DST: variants seen among roughly 807,000 people sequenced by gnomAD.
DST encodes the protein bullous pemphigoid antigen.
Under a neutral mutation model 875.2 loss-of-function variants are expected in DST, and 253 were observed. That is an observed-to-expected ratio of 0.29 (90% CI 0.26 to 0.32). The LOEUF (loss-of-function observed/expected upper bound fraction) is 0.32. Among genes scored for constraint, DST ranks in the 10% least tolerant of loss-of-function variants. The pLI, the probability that DST is intolerant of heterozygous loss-of-function variation, is 1.00. For synonymous variants in DST, 3,124 were observed against 3,197.1 expected, an observed-to-expected ratio of 0.98 and a Z score of 0.77; for missense variants, 8,287 against 9,111.6, an observed-to-expected ratio of 0.91 and a Z score of 3.68.
intron 10 of DST, 110 bp downstream of exon 10, chr6:56,670,531 A>G (rs1387542936): frequency 4.3e-5 from 37 of 860,382 alleles, no homozygotes; most frequent in Non-Finnish European, 5.6e-5. Context: ...GTATTTTCTA[A>G]TTTTTTGCCA....
intron 61 of DST, among the ~76,000 whole-genome samples, chr6:56,547,212 T>A (rs1479526094): frequency 1.3e-5 from 2 of 152,168 alleles, no homozygotes; most frequent in African/African-American, 4.8e-5. Flanking sequence ...CTAGTTTGTG[T>A]GGATAAGAAT....
rs773221638 is a variant in DST, at chr6:56,603,876, C to T, written c.10752G>A (p.Gly3584=). The T allele has an allele frequency of 2.5e-6, 4 of 1,611,632 alleles. No homozygotes were observed. The highest frequency in any genetic ancestry group is 2.2e-5 in the East Asian group (1 of 44,798). Residue 3584 remains glycine (G), a synonymous_variant, in exon 40 of 104, where the codon GGG becomes GGA. Coordinates refer to ENST00000680361, the MANE Select transcript of DST (RefSeq NM_001374736.1). ...TATCTCCAGAAGCCATCTCTTTAGA[C>T]CCTGAAGTACATTCCAAATGGCTTG... The part of the protein sequence containing the change: ...DFPSHLECTS[G]SKEMASGDSS...
rs568540967 is a variant in DST at position 56,628,882 on chromosome 6, C to G, written c.4475+368G>C. On this transcript the variant is annotated intron_variant, in intron 32 of 103. Transcript: ENST00000680361. ...TCCATTTATTTACATTTCTTAAGTC[C>G]AGTATAGAAGCTACACACAGCCCTA... 1.9e-4 allele frequency among the ~76,000 whole-genome samples: 29 copies of G among 152,142 alleles called. 1 individual carries two copies. Among genetic ancestry groups the G allele is most frequent in the Middle Eastern group, 3.4e-3 (1 of 294 alleles).
intron 12 of DST, 28 bp from the exon 13 acceptor site, chr6:56,648,717 T>C: frequency 6.5e-7 from 1 of 1,535,998 alleles, no homozygotes; most frequent in Non-Finnish European, 8.8e-7. Flanking sequence ...TAGAAAAGGT[T>C]CACATCTGTA....
At position 56,604,719 on chromosome 6, in the gene DST, G is replaced by A; in HGVS notation, c.9909C>T (p.Ser3303=). The A allele has an allele frequency of 1.2e-6, 2 of 1,612,374 alleles. No individual in the cohort carries two copies. The highest frequency in any genetic ancestry group is 1.7e-6 in the Non-Finnish European group (2 of 1,179,060). ...AATAGTCAGTATTTAAAGTGTTACT[G>A]GAGTTATCATTTCCTAATCCATTTG... ...RCANGLGNDN[S]SNTLNTDYSF... The change falls in exon 40 of 104, where the codon TCC becomes TCT. Residue 3303 remains serine, a synonymous_variant. Coordinates refer to ENST00000680361, the MANE Select transcript of DST (RefSeq NM_001374736.1).
intron 5 of DST, among the ~76,000 whole-genome samples, chr6:56,728,459 C>G (rs1052216824): frequency 7.2e-5 from 11 of 152,044 alleles, no homozygotes; most frequent in African/African-American, 2.7e-4. Flanking sequence ...ATCCCAACAC[C>G]TAGGGAGACA....
At chr6:56,722,023 T>A (rs1006577144) in intron 5 of DST, among the ~76,000 whole-genome samples, 3 of 152,214 alleles carry the variant, frequency 2.0e-5, no homozygotes, top group Non-Finnish European at 4.4e-5. Context: ...AATTTTAGAT[T>A]TCATATAATT....
chr6:56,624,743 TC>T lies in DST; in HGVS notation c.4831-116del. 7 of 716,068 alleles carry T rather than the reference TC, an allele frequency of 9.8e-6. No individual in the cohort carries two copies. In the South Asian group the frequency reaches 1.1e-4, roughly 11 times the overall value. 44.4% of individuals were successfully genotyped at this position (716,068 alleles called of 1,614,324 possible). On this transcript the variant is annotated intron_variant, in intron 35 of 103. Transcript: ENST00000680361. Reference sequence around the variant, plus strand: ...GCCTTCAGACAGCAAAGCACACAACTCCCCCCATAATAAATGATAAGAATGA... The same window carrying T: ...GCCTTCAGACAGCAAAGCACACAACTCCCCCATAATAAATGATAAGAATGA...
At chr6:56,715,948 C>T (rs895866084) in intron 5 of DST, among the ~76,000 whole-genome samples, 3 of 152,190 alleles carry the variant, frequency 2.0e-5, no homozygotes, top group Admixed American at 6.5e-5. Flanking sequence ...TCTGGCCCTT[C>T]TTTGAGTCTC....
At position 56,642,099 on chromosome 6, in the gene DST, A is replaced by G; in HGVS notation, c.1875T>C (p.Asp625=). ...LILAGNALQS[D]SKRLESGVQF... Reference sequence around the variant, plus strand: ...GCACTCCTGATTCTAATCTTTTAGAATCCTGTATTTTAAAAGAACTCAGTA... The same window carrying G: ...GCACTCCTGATTCTAATCTTTTAGAGTCCTGTATTTTAAAAGAACTCAGTA... Residue 625 remains aspartate, a splice_region_variant and synonymous_variant, in exon 17 of 104, where the codon GAT becomes GAC. Transcript: ENST00000680361. 6.2e-7 allele frequency: 1 copy of G among 1,610,302 alleles called. No homozygotes were observed. The highest frequency in any genetic ancestry group is 8.5e-7 in the Non-Finnish European group (1 of 1,177,274).
chr6:56,913,142 C>T (rs913444799), intron 2 of DST, among the ~76,000 whole-genome samples: 2 of 152,190 alleles, frequency 1.3e-5, no homozygotes, highest in Admixed American at 1.3e-4. Context: ...ACTTTTCCAG[C>T]ATTGTTCAGC....
At chr6:56,627,916 C>A in intron 33 of DST, 83 bp downstream of exon 33, 7 of 1,376,442 alleles carry the variant, frequency 5.1e-6, no homozygotes, top group Non-Finnish European at 7.2e-6. Context: ...GTGACTTTTT[C>A]ATTTAACATA....
At chr6:56,768,086 C>A (rs1474173876) in intron 4 of DST, among the ~76,000 whole-genome samples, 1 of 152,096 alleles carries the variant, frequency 6.6e-6, no homozygotes, top group Non-Finnish European at 1.5e-5. Flanking sequence ...AAATAGGAAG[C>A]CACTGGAGGG....
chr6:56,719,839 G>C (rs2099408100), intron 5 of DST, among the ~76,000 whole-genome samples: 1 of 152,164 alleles, frequency 6.6e-6, no homozygotes, highest in South Asian at 2.1e-4. Context: ...CTTTCAAAAG[G>C]GGAAGGAGTG....
chr6:56,673,901 T>C (rs528644952), intron 9 of DST, among the ~76,000 whole-genome samples: 1 of 152,332 alleles, frequency 6.6e-6, no homozygotes, highest in East Asian at 1.9e-4. Context: ...AAACTGAACA[T>C]CATCCTCTTA....
Position 56,463,170 on chromosome 6 carries a change from T to C in DST, c.22960-14A>G. ...AGGATGGAGAATCTGTATGGAACAATGGCAAATCAAATGAAAAGGATAGCA... is the reference window on the plus strand; with the variant it reads ...AGGATGGAGAATCTGTATGGAACAACGGCAAATCAAATGAAAAGGATAGCA... On this transcript the variant is annotated splice_polypyrimidine_tract_variant and intron_variant, in intron 101 of 103. Transcript: ENST00000680361. 6.7e-7 allele frequency: 1 copy of C among 1,502,754 alleles called. No homozygotes were observed. The highest frequency in any genetic ancestry group is 9.3e-7 in the Non-Finnish European group (1 of 1,080,570). 93.1% of individuals were successfully genotyped at this position (1,502,754 alleles called of 1,614,324 possible).
intron 88 of DST, chr6:56,483,828 A>T (rs2095479760): frequency 6.6e-6 from 1 of 152,148 alleles, no homozygotes; most frequent in South Asian, 2.1e-4. Context: ...GCCTATCACA[A>T]AAGTGATTAT....
intron 74 of DST, 139 bp downstream of exon 74, chr6:56,509,503 C>T (rs549285228): frequency 1.2e-4 from 77 of 651,708 alleles, no homozygotes; most frequent in Non-Finnish European, 1.1e-4. Context: ...TTTGCATACA[C>T]AGCCCTTCAA....
At chr6:56,699,105 G>A (rs1392911014) in intron 9 of DST, among the ~76,000 whole-genome samples, 2 of 152,042 alleles carry the variant, frequency 1.3e-5, no homozygotes, top group African/African-American at 4.8e-5. Flanking sequence ...AATCAAAATC[G>A]GTCCTCAATT....
Sources: gnomAD v4.1 joint callset for allele counts (sites outside exome capture counted in the v4.1 genomes callset) on GRCh38, gnomAD v4.1.1 for gene constraint, MANE v1.5 for transcripts, NCBI Gene and HGNC (gene_info 2026-07-23, HGNC 2026-07-21) for gene names.